IRF9: variants seen among roughly 807,000 people sequenced by gnomAD.
IRF9 encodes the protein IFN-alpha-responsive transcription factor subunit.
IRF9 carries 13 observed loss-of-function variants against 44.1 expected under a neutral mutation model. The ratio of observed to expected loss-of-function variants is 0.29; its 90% CI spans 0.19 to 0.47. The LOEUF is 0.47. IRF9 is among the 20% of genes least tolerant of loss of function. IRF9 has a pLI of 1.00. For missense variants in IRF9, 373 were observed against 496.1 expected, an observed-to-expected ratio of 0.75 and a Z score of 2.36; for synonymous variants, 189 against 188.5, an observed-to-expected ratio of 1.00 and a Z score of -0.02.
rs1318169996 is a variant in IRF9 at position 24,164,062 on chromosome 14, G to A, written c.578-1G>A. On this transcript the variant is annotated splice_acceptor_variant, in intron 5 of 8. Transcript: ENST00000396864. LOFTEE classifies it high-confidence loss of function. This position sits in a 1 kb window ranked among gnomAD's most constrained non-coding sequence, Gnocchi z 5.2. ...GACCAGTGCCTTTGCTTCCCTTCCA[G>A]TTACAGACACAACTGAGGCCCCCTT... 1.9e-6 allele frequency: 3 copies of A among 1,614,076 alleles called. No individual in the cohort carries two copies.
At chr14:24,163,271 G>A (rs1379787161) in intron 3 of IRF9, 107 bp from the exon 4 acceptor site, 3 of 1,546,208 alleles carry the variant, frequency 1.9e-6, no homozygotes, top group Non-Finnish European at 2.6e-6. Flanking sequence ...CTGCAACCCA[G>A]GTTTCCCTTC....
At position 24,166,111 on chromosome 14, in the gene IRF9, T is replaced by C. The variant is rs755127118; in HGVS notation, c.1108-11T>C. ...GCACTGAGATGCTCTTCTCCATCTC[T>C]TCCAATACAGATGGAGCAGGCCTTT... On this transcript the variant is annotated splice_polypyrimidine_tract_variant and intron_variant, in intron 8 of 8. Coordinates refer to ENST00000396864, the MANE Select transcript of IRF9 (RefSeq NM_006084.5). 1 of 1,613,504 alleles carries C rather than the reference T, an allele frequency of 6.2e-7. No individual in the cohort carries two copies. The highest frequency in any genetic ancestry group is 8.5e-7 in the Non-Finnish European group (1 of 1,179,800).
chr14:24,163,049 C>A lies in IRF9; in HGVS notation c.264C>A (p.Leu88=). Residue 88 remains leucine (L), a synonymous_variant, in exon 3 of 9, where the codon CTC becomes CTA. Transcript: ENST00000396864. ...GGAAGACTCGCCTGCGCTGTGCACT[C>A]AACAAGAGTTCTGAATTTAAGGAGG... is the stretch of plus-strand genomic sequence containing the variant. ...AVWKTRLRCA[L]NKSSEFKEVP... The A allele has an allele frequency of 1.2e-6, 2 of 1,614,146 alleles. No homozygotes were observed. The highest frequency in any genetic ancestry group is 1.7e-6 in the Non-Finnish European group (2 of 1,180,018).
chr14:24,164,879 T>C lies in IRF9; in HGVS notation c.915T>C (p.Ala305=). 6.2e-7 allele frequency: 1 copy of C among 1,612,120 alleles called. No homozygotes were observed. Among genetic ancestry groups the C allele is most frequent in the South Asian group, 1.1e-5 (1 of 91,078 alleles). The change falls in exon 7 of 9, where the codon GCT becomes GCC. Residue 305 remains alanine (A), a synonymous_variant. Coordinates refer to ENST00000396864, the MANE Select transcript of IRF9 (RefSeq NM_006084.5). This position sits in a 1 kb window ranked among gnomAD's most constrained non-coding sequence, Gnocchi z 5.2. The stretch of plus-strand genomic sequence containing the variant: ...CCATCTCCTGGAATGCACCCCAGGC[T>C]CCACCTGGGCCAGGCCCGCATCTGC... The part of the protein sequence containing the change: ...PIPISWNAPQ[A]PPGPGPHLLP...
At chr14:24,162,855 C>G in intron 2 of IRF9, 111 bp from the exon 3 acceptor site, 1 of 830,052 alleles carries the variant, frequency 1.2e-6, no homozygotes, top group South Asian at 1.7e-5. Context: ...AGCACAGACC[C>G]TGCATAATCC....
In IRF9 at chr14:24,164,942, C is replaced by T. The variant is rs2038504752; in HGVS notation, c.978C>T (p.Ala326=). 3 of 1,611,682 alleles carry T rather than the reference C, an allele frequency of 1.9e-6. No homozygotes were observed. The highest frequency in any genetic ancestry group is 2.5e-6 in the Non-Finnish European group (3 of 1,178,792). ...AGTGCGTGGAGCTCTTCAGAACCGC[C>T]TACTTCTGCAGAGGTGAGGCTGTTC... The part of the protein sequence containing the change: ...SNECVELFRT[A]YFCRDLVRYF... The change falls in exon 7 of 9, where the codon GCC becomes GCT. Residue 326 remains alanine (A), a synonymous_variant. Coordinates refer to ENST00000396864, the MANE Select transcript of IRF9 (RefSeq NM_006084.5). This position sits in a 1 kb window ranked among gnomAD's most constrained non-coding sequence, Gnocchi z 5.2.
At chr14:24,162,121 A>C in intron 1 of IRF9, 23 bp from the exon 2 acceptor site, 1 of 1,610,530 alleles carries the variant, frequency 6.2e-7, no homozygotes, top group Non-Finnish European at 8.5e-7. Context: ...GTTCTGATGC[A>C]TCCTGCTCCT....
chr14:24,165,044 T>C (rs756587548), intron 7 of IRF9, 89 bp downstream of exon 7: 9 of 1,154,922 alleles, frequency 7.8e-6, no homozygotes, highest in Non-Finnish European at 1.0e-5. Context: ...GCTACCTCCC[T>C]ATCTGCCAGC....
In IRF9 at chr14:24,163,163, T is replaced by A. The variant is rs376121136; in HGVS notation, c.364+14T>A. 1.2e-6 allele frequency: 2 copies of A among 1,612,808 alleles called. No individual in the cohort carries two copies. Among genetic ancestry groups the A allele is most frequent in the Non-Finnish European group, 1.7e-6 (2 of 1,179,484 alleles). On this transcript the variant is annotated intron_variant, in intron 3 of 8. Transcript: ENST00000396864. ...GAATCGTCTCTGGTGAGTTTCCCCT[T>A]GTCCAACCACTGCTAGACTCAGCAG...
Position 24,163,922 on chromosome 14 carries a change from G to GAGC in IRF9, c.559_561dup (p.Ser187dup), listed in dbSNP as rs746378882. The GAGC allele has an allele frequency of 2.7e-5, 44 of 1,604,392 alleles. No homozygotes were observed. The highest frequency in any genetic ancestry group is 3.1e-5 in the Non-Finnish European group (36 of 1,177,300). On this transcript the variant is annotated inframe_insertion, in exon 5 of 9. Transcript: ENST00000396864. ...GGGGAGCAGTCCATTCAGACATTGG[G>GAGC]AGCAGCAGCAGCAGCAGCAGCCCTG...
chr14:24,164,585 A>C lies in IRF9; in HGVS notation c.650-29A>C. ...CTGCTGCCAGCCTGCATGCTCCTCC[A>C]GCACCAGGTAGGGCTGTTCTATCCC... On this transcript the variant is annotated intron_variant, in intron 6 of 8. Coordinates refer to ENST00000396864, the MANE Select transcript of IRF9 (RefSeq NM_006084.5). The surrounding 1 kb of genome is among the most constrained non-coding windows in gnomAD (Gnocchi z 5.2). 6.5e-7 allele frequency: 1 copy of C among 1,545,182 alleles called. No individual in the cohort carries two copies. The highest frequency in any genetic ancestry group is 8.8e-7 in the Non-Finnish European group (1 of 1,138,882).
In IRF9 at chr14:24,164,031, C is replaced by CT; in HGVS notation, c.578-31dup. ...TGGCCCAAGACTCCCCAGTCCCACT[C>CT]TGAATGACCAGTGCCTTTGCTTCCC... On this transcript the variant is annotated intron_variant, in intron 5 of 8. Coordinates refer to ENST00000396864, the MANE Select transcript of IRF9 (RefSeq NM_006084.5). This position sits in a 1 kb window ranked among gnomAD's most constrained non-coding sequence, Gnocchi z 5.2. 1.2e-6 allele frequency: 2 copies of CT among 1,613,718 alleles called. No individual in the cohort carries two copies. The highest frequency in any genetic ancestry group is 4.5e-5 in the East Asian group (2 of 44,880).
In IRF9 at chr14:24,162,295, C is replaced by T; in HGVS notation, c.151C>T (p.Arg51Trp). ...GAAACATGCAGGCAAGCAGGACTTC[C>T]GGGAGGACCAGGATGCTGCCTTCTT... is the stretch of plus-strand genomic sequence containing the variant. ...PWKHAGKQDFREDQDAAFFKA... is the reference protein window; with the variant it reads ...PWKHAGKQDFWEDQDAAFFKA... The change falls in exon 2 of 9, where the codon CGG becomes TGG. Residue 51 changes from arginine to tryptophan, a missense_variant. Arg to Trp is a moderately radical substitution (Grantham distance 101). Around this residue, in one of 2 missense-constraint regions of IRF9, gnomAD observed 227 missense variants for 255.3 expected, o/e 0.89. Coordinates refer to ENST00000396864, the MANE Select transcript of IRF9 (RefSeq NM_006084.5). 3 of 1,614,054 alleles carry T rather than the reference C, an allele frequency of 1.9e-6. No homozygotes were observed. The highest frequency in any genetic ancestry group is 2.2e-5 in the East Asian group (1 of 44,884).
At position 24,164,260 on chromosome 14, in the gene IRF9, GCA is replaced by G; in HGVS notation, c.649+127_649+128del. On this transcript the variant is annotated intron_variant, in intron 6 of 8. Transcript: ENST00000396864. The surrounding 1 kb of genome is among the most constrained non-coding windows in gnomAD (Gnocchi z 5.2). Reference sequence around the variant, plus strand: ...TGTACCCACATTACCATAGCCCTAGGCAGTGGTTTCTAGGTGGCGAGAATTCC... The same window carrying G: ...TGTACCCACATTACCATAGCCCTAGGGTGGTTTCTAGGTGGCGAGAATTCC... 1 of 858,386 alleles carries G rather than the reference GCA, an allele frequency of 1.2e-6. No homozygotes were observed. The highest frequency in any genetic ancestry group is 1.9e-6 in the Non-Finnish European group (1 of 534,260). 53.2% of individuals were successfully genotyped at this position (858,386 alleles called of 1,614,324 possible).
At position 24,166,064 on chromosome 14, in the gene IRF9, G is replaced by A. The variant is rs777970464; in HGVS notation, c.1108-58G>A. On this transcript the variant is annotated intron_variant, in intron 8 of 8. Coordinates refer to ENST00000396864, the MANE Select transcript of IRF9 (RefSeq NM_006084.5). ...CCCAGTGGGGAAGGAGCTCCTGGGG[G>A]TGGTGTCTGTCCCTGATGCACGCAC... 437 of 1,587,884 alleles carry A rather than the reference G, an allele frequency of 2.8e-4. 1 individual carries two copies. The Middle Eastern group carries it at 3.1e-3, about 11-fold the overall frequency.
At position 24,164,404 on chromosome 14, in the gene IRF9, G is replaced by A; in HGVS notation, c.650-210G>A. On this transcript the variant is annotated intron_variant, in intron 6 of 8. Transcript: ENST00000396864. This position sits in a 1 kb window ranked among gnomAD's most constrained non-coding sequence, Gnocchi z 5.2. Reference sequence around the variant, plus strand: ...GGGCCAAACAGAGGCCCAATCTCAAGGGACCTTCTAGTAAACTACAAGCCC... The same window carrying A: ...GGGCCAAACAGAGGCCCAATCTCAAAGGACCTTCTAGTAAACTACAAGCCC... 1.7e-6 allele frequency: 1 copy of A among 605,082 alleles called. No individual in the cohort carries two copies. Among genetic ancestry groups the A allele is most frequent in the Non-Finnish European group, 2.9e-6 (1 of 344,920 alleles). The allele number at this position is 605,082 out of a possible 1,614,324, so 37.5% of individuals were successfully genotyped here.
rs966926656 is a variant in IRF9, at chr14:24,163,700, T to C, written c.496-178T>C. 3.3e-5 allele frequency: 28 copies of C among 846,446 alleles called. No homozygotes were observed. In the African/African-American group the frequency reaches 4.1e-4, roughly 13 times the overall value. 52.4% of individuals were successfully genotyped at this position (846,446 alleles called of 1,614,324 possible). ...TAAAAATACAAAAATTAGCTGTGCG[T>C]TGTGGCATCTGCCTGTAATCCCAGC... On this transcript the variant is annotated intron_variant, in intron 4 of 8. Transcript: ENST00000396864.
At chr14:24,162,119 G>C (rs2038464456) in intron 1 of IRF9, 25 bp from the exon 2 acceptor site, 5 of 1,608,348 alleles carry the variant, frequency 3.1e-6, no homozygotes, top group Non-Finnish European at 3.4e-6. Context: ...CAGTTCTGAT[G>C]CATCCTGCTC....
chr14:24,163,988 C>T, intron 5 of IRF9, 29 bp downstream of exon 5: 5 of 1,609,164 alleles, frequency 3.1e-6, no homozygotes, highest in South Asian at 1.1e-5. Context: ...CTTGTGTCGT[C>T]CCCCATGCCA....
Sources: allele counts gnomAD v4.1 joint callset, GRCh38; gene constraint gnomAD v4.1.1; regional missense constraint gnomAD v4.1.1; non-coding constraint Gnocchi (gnomAD v3.1); transcripts MANE v1.5; gene names NCBI Gene and HGNC (gene_info 2026-07-23, HGNC 2026-07-21).